Variants in PGCKA1 observed in about 807,000 individuals in gnomAD.
The protein encoded by PGCKA1 is PDCD10 and GCKIII kinases-associated protein 1.
the PGCKA1 span, among the ~76,000 whole-genome samples, chr4:37,462,341 C>A: frequency 2.0e-5 from 3 of 152,206 alleles, no homozygotes; most frequent in Non-Finnish European, 4.4e-5. Context: ...TGAACCCAGG[C>A]CTGCTGGCTC....
At chr4:37,527,698 C>G in the PGCKA1 span, among the ~76,000 whole-genome samples, 1 of 150,464 alleles carries the variant, frequency 6.6e-6, no homozygotes. Flanking sequence ...GGCGTGGTGG[C>G]GGGCGCCTGT....
At chr4:37,478,444 G>GA in the PGCKA1 span, among the ~76,000 whole-genome samples, 5,156 of 150,742 alleles carry the variant, frequency 0.034, 109 homozygotes, top group Non-Finnish European at 0.051. Context: ...TTCTTTGTTA[G>GA]AAAAAAAAAT....
the PGCKA1 span, among the ~76,000 whole-genome samples, chr4:37,509,711 A>G: frequency 1.2e-4 from 18 of 151,508 alleles, no homozygotes; most frequent in East Asian, 3.1e-3. Flanking sequence ...CTGCAATCCC[A>G]GCACTTCGCG....
the PGCKA1 span, among the ~76,000 whole-genome samples, chr4:37,551,813 C>T: frequency 6.6e-6 from 1 of 152,180 alleles, no homozygotes; most frequent in African/African-American, 2.4e-5. Context: ...TTGTTTACTA[C>T]CTGTACTTCT....
the PGCKA1 span, among the ~76,000 whole-genome samples, chr4:37,509,880 G>GC: frequency 2.0e-5 from 3 of 150,962 alleles, no homozygotes; most frequent in Admixed American, 6.6e-5. Flanking sequence ...GCAGAATCAG[G>GC]CAGGGAGGTT....
At chr4:37,508,664 CT>C in the PGCKA1 span, among the ~76,000 whole-genome samples, 232 of 86,432 alleles carry the variant, frequency 2.7e-3, 2 homozygotes, top group African/African-American at 6.8e-3. Context: ...TCACCCTCTT[CT>C]TTTTTTTTTT....
At chr4:37,505,004 T>A in the PGCKA1 span, among the ~76,000 whole-genome samples, 1 of 152,212 alleles carries the variant, frequency 6.6e-6, no homozygotes, top group Admixed American at 6.5e-5. Flanking sequence ...TTCCAGATCT[T>A]AGAGGAAAGG....
At chr4:37,465,889 T>C in the PGCKA1 span, among the ~76,000 whole-genome samples, 1 of 152,202 alleles carries the variant, frequency 6.6e-6, no homozygotes, top group East Asian at 1.9e-4. Context: ...GAAAGACAAA[T>C]GTGACACTCT....
chr4:37,549,388 C>T, the PGCKA1 span, among the ~76,000 whole-genome samples: 2 of 152,156 alleles, frequency 1.3e-5, no homozygotes, highest in Non-Finnish European at 1.5e-5. Context: ...ACTGTAGGGC[C>T]CTGGCCAAGG....
chr4:37,584,812 G>A, the PGCKA1 span, among the ~76,000 whole-genome samples: 142 of 151,884 alleles, frequency 9.3e-4, no homozygotes, highest in African/African-American at 3.2e-3. Flanking sequence ...GCCCTCCTTC[G>A]CCTTTCCTCC....
At chr4:37,571,360 T>A in the PGCKA1 span, among the ~76,000 whole-genome samples, 3 of 126,324 alleles carry the variant, frequency 2.4e-5, no homozygotes, top group Non-Finnish European at 1.7e-5. Flanking sequence ...TTATCCTTTT[T>A]TTTTTTTTTT....
At chr4:37,460,443 C>T in the PGCKA1 span, 40 of 350,410 alleles carry the variant, frequency 1.1e-4, no homozygotes, top group African/African-American at 8.8e-4. Context: ...AACTAATTTA[C>T]ATTCCCACCA....
the PGCKA1 span, among the ~76,000 whole-genome samples, chr4:37,540,095 T>G: frequency 6.6e-6 from 1 of 152,222 alleles, no homozygotes; most frequent in East Asian, 1.9e-4. Flanking sequence ...CAGATGGACA[T>G]AAACCCTTGA....
At chr4:37,590,922 C>T in the PGCKA1 span, 16 of 1,614,016 alleles carry the variant, frequency 9.9e-6, 1 homozygote, top group East Asian at 1.1e-4. Flanking sequence ...AGATTGTGGA[C>T]GAGGATGCAG....
At chr4:37,490,536 C>T in the PGCKA1 span, among the ~76,000 whole-genome samples, 1 of 152,158 alleles carries the variant, frequency 6.6e-6, no homozygotes, top group Non-Finnish European at 1.5e-5. Context: ...TCAAGCAGAG[C>T]TTAACTCATG....
At chr4:37,552,436 A>G in the PGCKA1 span, among the ~76,000 whole-genome samples, 1 of 152,202 alleles carries the variant, frequency 6.6e-6, no homozygotes, top group East Asian at 1.9e-4. Context: ...TCAGTGTCTG[A>G]GAGGTTTTGC....
chr4:37,590,936 T>G, the PGCKA1 span: 1 of 1,614,202 alleles, frequency 6.2e-7, no homozygotes, highest in Admixed American at 1.7e-5. Context: ...GATGCAGCGG[T>G]GGCGGAGGCC....
At chr4:37,460,549 A>C in the PGCKA1 span, 1 of 453,758 alleles carries the variant, frequency 2.2e-6, no homozygotes. Context: ...ATGCTGTGGA[A>C]TCTCATTGTG....
At chr4:37,565,790 G>A in the PGCKA1 span, among the ~76,000 whole-genome samples, 1 of 152,164 alleles carries the variant, frequency 6.6e-6, no homozygotes, top group African/African-American at 2.4e-5. Flanking sequence ...GTTGGTCCTG[G>A]GTGTGTCTGT....
Sources: allele counts gnomAD v4.1 joint callset (sites outside exome capture counted in the v4.1 genomes callset), GRCh38; gene constraint gnomAD v4.1.1; transcripts MANE v1.5; gene names NCBI Gene and HGNC (gene_info 2026-07-23, HGNC 2026-07-21).